The following HCRTR2 variants were observed in gnomAD, a reference collection of about 807,000 sequenced individuals.
HCRTR2 encodes the protein hypocretin receptor 2.
In HCRTR2, 22 loss-of-function variants were observed where a neutral mutation model predicts 49.0. The observed-to-expected ratio is 0.45, with a 90% confidence interval of 0.32 to 0.64. The LOEUF is 0.64. HCRTR2 is among the 30% of genes least tolerant of loss of function. The pLI is 0.04. For missense variants in HCRTR2, 491 were observed against 559.4 expected (o/e 0.88, Z 1.23); for synonymous variants, 236 against 205.3 (o/e 1.15, Z -1.28).
At chr6:55,224,449 C>T (rs1282708118) in intron 1 of HCRTR2, among the ~76,000 whole-genome samples, 1 of 129,542 alleles carries the variant, frequency 7.7e-6, no homozygotes, top group African/African-American at 3.4e-5. Flanking sequence ...AACCCCATCT[C>T]CACTAAAAAA....
At chr6:55,271,489 T>G (rs1395183451) in intron 4 of HCRTR2, among the ~76,000 whole-genome samples, 1 of 152,072 alleles carries the variant, frequency 6.6e-6, no homozygotes, top group African/African-American at 2.4e-5. Flanking sequence ...AGGTTCTAAA[T>G]ATGACACCAA....
intron 1 of HCRTR2, among the ~76,000 whole-genome samples, chr6:55,223,550 GA>G (rs1443426832): frequency 6.6e-6 from 1 of 152,166 alleles, no homozygotes; most frequent in African/African-American, 2.4e-5. Context: ...GTAGAGGGAA[GA>G]AAAGGGTCTT....
chr6:55,273,576 T>G (rs1767015641), intron 4 of HCRTR2, among the ~76,000 whole-genome samples: 1 of 152,138 alleles, frequency 6.6e-6, no homozygotes. Context: ...GCTTCAGCTT[T>G]CATCATTACA....
rs78872565 is a variant in HCRTR2 at position 55,134,075 on chromosome 6, A to T, written c.-378+27530A>T. ...CTTTTCTTTTTTCTTTGATTCCCCCACTTCTTACGTACCTCTTCATTTCTC... is the reference window on the plus strand; with the variant it reads ...CTTTTCTTTTTTCTTTGATTCCCCCTCTTCTTACGTACCTCTTCATTTCTC... On this transcript the variant is annotated intron_variant, in intron 1 of 7. Transcript: ENST00000615358. 9.5e-3 allele frequency among the ~76,000 whole-genome samples: 1,449 copies of T among 151,752 alleles called. 26 individuals carry two copies. The highest frequency in any genetic ancestry group is 0.033 in the African/African-American group (1,360 of 41,452).
At chr6:55,145,708 C>T (rs1423548823) in intron 1 of HCRTR2, among the ~76,000 whole-genome samples, 2 of 152,082 alleles carry the variant, frequency 1.3e-5, no homozygotes, top group African/African-American at 4.8e-5. Context: ...AGACACTGCG[C>T]CCGGCTGTCT....
At chr6:55,270,860 C>T (rs1050413923) in intron 4 of HCRTR2, among the ~76,000 whole-genome samples, 1 of 152,042 alleles carries the variant, frequency 6.6e-6, no homozygotes, top group Non-Finnish European at 1.5e-5. Context: ...ACAACATATA[C>T]ACCTACAATT....
At chr6:55,247,524 T>G (rs1282811207) in intron 1 of HCRTR2, among the ~76,000 whole-genome samples, 1 of 152,162 alleles carries the variant, frequency 6.6e-6, no homozygotes, top group Non-Finnish European at 1.5e-5. Flanking sequence ...ATTATTTGGG[T>G]GCATGGGTGA....
chr6:55,132,868 A>G (rs1764378947), intron 1 of HCRTR2, among the ~76,000 whole-genome samples: 1 of 151,674 alleles, frequency 6.6e-6, no homozygotes, highest in South Asian at 2.1e-4. Flanking sequence ...TTTGGGGAAA[A>G]TAATCAACCA....
rs561267454 is a variant in HCRTR2 at position 55,193,676 on chromosome 6, T to G, written c.223+18866T>G. Among the ~76,000 whole-genome samples the G allele has an allele frequency of 7.2e-5, 11 of 152,238 alleles. No homozygotes were observed. The South Asian group carries it at 2.3e-3, about 32-fold the overall frequency. On this transcript the variant is annotated intron_variant, in intron 1 of 6. Coordinates refer to ENST00000370862, the MANE Select transcript of HCRTR2 (RefSeq NM_001384272.1). ...TTTTACCTATGAAACTTGATCAAAA[T>G]ACTGTCTCCACATTTCTCATAAAAT...
At chr6:55,190,971 C>A (rs1456115759) in intron 1 of HCRTR2, among the ~76,000 whole-genome samples, 1 of 152,022 alleles carries the variant, frequency 6.6e-6, no homozygotes, top group Non-Finnish European at 1.5e-5. Context: ...AAGTAGTTTT[C>A]CATTTGACAA....
chr6:55,198,728 A>C (rs1386110673), intron 1 of HCRTR2, among the ~76,000 whole-genome samples: 1 of 152,190 alleles, frequency 6.6e-6, no homozygotes, highest in East Asian at 1.9e-4. Context: ...ACAAGGAAAA[A>C]AATAAAAATG....
intron 1 of HCRTR2, among the ~76,000 whole-genome samples, chr6:55,210,959 A>G (rs144153952): frequency 8.7e-4 from 132 of 152,294 alleles, no homozygotes; most frequent in African/African-American, 3.0e-3. Context: ...CTGTGGTCCC[A>G]TAAGATTATA....
intron 1 of HCRTR2, among the ~76,000 whole-genome samples, chr6:55,239,651 T>C (rs1437130268): frequency 6.6e-6 from 1 of 152,120 alleles, no homozygotes; most frequent in African/African-American, 2.4e-5. Flanking sequence ...AACATTAACA[T>C]AATGAGCAAG....
chr6:55,153,797 G>C (rs1197062243), intron 1 of HCRTR2, among the ~76,000 whole-genome samples: 2 of 151,560 alleles, frequency 1.3e-5, no homozygotes, highest in South Asian at 4.1e-4. Context: ...ACAAAGGTTA[G>C]ATCAAAAATA....
chr6:55,119,222 A>T (rs997308607), intron 1 of HCRTR2, among the ~76,000 whole-genome samples: 1 of 151,994 alleles, frequency 6.6e-6, no homozygotes, highest in Non-Finnish European at 1.5e-5. Context: ...AGTCTTGGCT[A>T]TTGTGAATAG....
intron 1 of HCRTR2, among the ~76,000 whole-genome samples, chr6:55,169,135 G>A (rs1282623363): frequency 6.6e-6 from 1 of 151,398 alleles, no homozygotes; most frequent in African/African-American, 2.4e-5. Flanking sequence ...ATTATTTGCC[G>A]GCTACTCTGT....
At chr6:55,237,219 C>A (rs1045898936) in intron 1 of HCRTR2, among the ~76,000 whole-genome samples, 87 of 151,744 alleles carry the variant, frequency 5.7e-4, no homozygotes, top group African/African-American at 2.0e-3. Flanking sequence ...TTTAAAATTT[C>A]TGAAATATTT....
rs1314841019 is a variant in HCRTR2, at chr6:55,248,695, G to A, written c.280G>A (p.Val94Ile). Residue 94 changes from valine to isoleucine, a missense_variant, in exon 2 of 7, where the codon GTC (valine) becomes ATC (isoleucine). Transcript: ENST00000370862. ...HMRTVTNYFI[V>I]NLSLADVLVT... ...GAGGACGGTAACCAACTACTTCATAGTCAATCTTTCTCTGGCTGATGTGCT... is the reference window on the plus strand; with the variant it reads ...GAGGACGGTAACCAACTACTTCATAATCAATCTTTCTCTGGCTGATGTGCT... 2 of 1,613,368 alleles carry A rather than the reference G, an allele frequency of 1.2e-6. No homozygotes were observed. Among genetic ancestry groups the A allele is most frequent in the African/African-American group, 1.3e-5 (1 of 74,870 alleles).
At chr6:55,153,554 C>A (rs574792124) in intron 1 of HCRTR2, among the ~76,000 whole-genome samples, 2 of 151,972 alleles carry the variant, frequency 1.3e-5, no homozygotes, top group Non-Finnish European at 2.9e-5. Context: ...ATGAAAACAT[C>A]ATTATACAAT....
Sources: allele counts gnomAD v4.1 joint callset (sites outside exome capture counted in the v4.1 genomes callset), GRCh38; gene constraint gnomAD v4.1.1; transcripts MANE v1.5; gene names NCBI Gene and HGNC (gene_info 2026-07-23, HGNC 2026-07-21).